The following ELMO1 variants were observed in gnomAD, a reference collection of about 807,000 sequenced individuals.
ELMO1 encodes engulfment and cell motility 1, also known as engulfment and cell motility protein 1.
In ELMO1, 26 loss-of-function variants were observed where a neutral mutation model predicts 98.9. That is an observed-to-expected ratio of 0.26 (90% confidence interval 0.19 to 0.36). The LOEUF (loss-of-function observed/expected upper bound fraction) is 0.36. ELMO1 is among the 10% of genes least tolerant of loss of function. ELMO1 has a pLI of 1.00. For synonymous variants in ELMO1, 346 were observed against 346.0 expected, an observed-to-expected ratio of 1.00 and a Z score of 0.00; for missense variants, 627 against 935.2, an observed-to-expected ratio of 0.67 and a Z score of 4.30.
At chr7:36,981,822 G>A (rs774587178) in intron 16 of ELMO1, among the ~76,000 whole-genome samples, 1 of 152,186 alleles carries the variant, frequency 6.6e-6, no homozygotes, top group Non-Finnish European at 1.5e-5. Context: ...CATGAGCAAC[G>A]GTGAAAGTAA....
At chr7:37,223,596 T>C (rs1793714331) in intron 9 of ELMO1, among the ~76,000 whole-genome samples, 1 of 152,172 alleles carries the variant, frequency 6.6e-6, no homozygotes, top group South Asian at 2.1e-4. Context: ...GTAACGTGCT[T>C]TGGGATGAAG....
chr7:37,447,187 G>A (rs1805652305), intron 1 of ELMO1, among the ~76,000 whole-genome samples: 1 of 152,188 alleles, frequency 6.6e-6, no homozygotes, highest in African/African-American at 2.4e-5. Context: ...GTTGCTCGCA[G>A]GGTTTTGGTG....
chr7:37,389,939 C>T (rs1026559101), intron 1 of ELMO1, among the ~76,000 whole-genome samples: 1 of 152,024 alleles, frequency 6.6e-6, no homozygotes, highest in East Asian at 1.9e-4. Context: ...TCCCATGTTG[C>T]CCAACTTCCA....
intron 15 of ELMO1, among the ~76,000 whole-genome samples, chr7:37,068,729 A>C (rs1424673893): frequency 6.6e-6 from 1 of 152,144 alleles, no homozygotes. Context: ...CTGGTTTACA[A>C]AAGGGGAGAT....
intron 2 of ELMO1, among the ~76,000 whole-genome samples, chr7:37,324,353 C>T (rs1171146872): frequency 1.3e-5 from 2 of 152,096 alleles, no homozygotes; most frequent in African/African-American, 4.8e-5. Context: ...CCGTTCTCAG[C>T]TCTGACATCC....
intron 16 of ELMO1, among the ~76,000 whole-genome samples, chr7:37,001,448 CAT>C (rs1792665391): frequency 6.6e-6 from 1 of 152,160 alleles, no homozygotes; most frequent in African/African-American, 2.4e-5. Flanking sequence ...GATATTAAGA[CAT>C]AAAATCTAGC....
chr7:37,012,523 A>C (rs1263885171), intron 16 of ELMO1, among the ~76,000 whole-genome samples: 1 of 152,200 alleles, frequency 6.6e-6, no homozygotes, highest in Non-Finnish European at 1.5e-5. Flanking sequence ...AAAGTACTAA[A>C]GGCTGCAATA....
intron 18 of ELMO1, among the ~76,000 whole-genome samples, chr7:36,882,222 T>C (rs1804526401): frequency 6.6e-6 from 1 of 152,228 alleles, no homozygotes; most frequent in Admixed American, 6.5e-5. Context: ...CTAAAAGATG[T>C]CTTTAGAACA....
chr7:37,230,390 T>C (rs1030823048), intron 8 of ELMO1, among the ~76,000 whole-genome samples: 4 of 152,158 alleles, frequency 2.6e-5, no homozygotes, highest in African/African-American at 9.7e-5. Flanking sequence ...ACAGGCTGGT[T>C]AAGCAAGGCT....
At chr7:36,906,520 C>T (rs1783971508) in intron 16 of ELMO1, among the ~76,000 whole-genome samples, 1 of 152,276 alleles carries the variant, frequency 6.6e-6, no homozygotes, top group South Asian at 2.1e-4. Context: ...ATACTCAGGC[C>T]TATATTCGCT....
intron 13 of ELMO1, among the ~76,000 whole-genome samples, chr7:37,168,928 G>T (rs776378035): frequency 4.6e-5 from 7 of 152,186 alleles, no homozygotes; most frequent in Non-Finnish European, 1.0e-4. Flanking sequence ...GTTTGTCTGT[G>T]CCCTGTCCCC....
chr7:37,247,085 A>G (rs901921648), intron 6 of ELMO1, among the ~76,000 whole-genome samples: 3 of 152,208 alleles, frequency 2.0e-5, no homozygotes, highest in African/African-American at 7.2e-5. Context: ...ATTTTAACAC[A>G]TATTTGTATA....
At chr7:37,011,735 G>A (rs751582778) in intron 16 of ELMO1, among the ~76,000 whole-genome samples, 1 of 152,174 alleles carries the variant, frequency 6.6e-6, no homozygotes, top group Non-Finnish European at 1.5e-5. Flanking sequence ...AGCAGCACAT[G>A]AAAGAGCTGA....
intron 14 of ELMO1, among the ~76,000 whole-genome samples, chr7:37,120,207 C>A (rs1272019291): frequency 1.3e-5 from 2 of 152,186 alleles, no homozygotes; most frequent in East Asian, 1.9e-4. Context: ...CAGCTCCCAG[C>A]GTGAGCAACT....
intron 1 of ELMO1, among the ~76,000 whole-genome samples, chr7:37,432,404 T>C (rs763610361): frequency 1.1e-4 from 17 of 152,210 alleles, no homozygotes; most frequent in Non-Finnish European, 2.2e-4. Flanking sequence ...TCCAAAGGCC[T>C]GAATATGCTC....
At chr7:36,868,720 C>T (rs536134374) in intron 20 of ELMO1, among the ~76,000 whole-genome samples, 32 of 152,234 alleles carry the variant, frequency 2.1e-4, no homozygotes, top group African/African-American at 7.2e-4. Context: ...ACAGGAAGTC[C>T]CTCCACACCT....
intron 13 of ELMO1, among the ~76,000 whole-genome samples, chr7:37,201,864 C>T (rs1263819754): frequency 1.3e-5 from 2 of 152,184 alleles, no homozygotes; most frequent in Admixed American, 1.3e-4. Flanking sequence ...TGCAGCATTT[C>T]AGATAGGAAA....
intron 13 of ELMO1, among the ~76,000 whole-genome samples, chr7:37,182,434 G>A (rs1055253762): frequency 2.0e-5 from 3 of 149,784 alleles, no homozygotes; most frequent in African/African-American, 7.4e-5. Flanking sequence ...TGACAACATA[G>A]GAAGATCATG....
intron 16 of ELMO1, among the ~76,000 whole-genome samples, chr7:36,955,306 T>A (rs1174264617): frequency 2.6e-5 from 4 of 152,184 alleles, no homozygotes; most frequent in Non-Finnish European, 4.4e-5. Flanking sequence ...TTCTACCCTA[T>A]CTCATCTCCC....
Sources: gnomAD v4.1 joint callset for allele counts (sites outside exome capture counted in the v4.1 genomes callset) on GRCh38, gnomAD v4.1.1 for gene constraint, MANE v1.5 for transcripts, NCBI Gene and HGNC (gene_info 2026-07-23, HGNC 2026-07-21) for gene names.